The following FOXP1 variants were observed in gnomAD, a reference collection of about 807,000 sequenced individuals.
FOXP1 encodes the protein forkhead box protein P1.
FOXP1 carries 15 observed loss-of-function variants against 98.2 expected under a neutral mutation model. The observed-to-expected ratio is 0.15, with a 90% confidence interval of 0.10 to 0.24. The LOEUF is 0.24. Among genes scored for constraint, FOXP1 ranks in the 10% least tolerant of loss-of-function variants. The pLI, the probability that FOXP1 is intolerant of heterozygous loss-of-function variation, is 1.00. For missense variants in FOXP1, 633 were observed against 848.5 expected (o/e 0.75, Z 3.15); for synonymous variants, 371 against 314.5 (o/e 1.18, Z -1.90).
intron 3 of FOXP1, among the ~76,000 whole-genome samples, chr3:71,469,568 T>C (rs543899339): frequency 1.8e-4 from 27 of 152,148 alleles, no homozygotes; most frequent in Non-Finnish European, 3.2e-4. Context: ...ATGAAGAAAA[T>C]AACATCTACT....
intron 7 of FOXP1, among the ~76,000 whole-genome samples, chr3:71,106,489 C>A (rs370250136): frequency 6.6e-6 from 1 of 152,076 alleles, no homozygotes; most frequent in African/African-American, 2.4e-5. Context: ...GTGCGTGCCA[C>A]CACGCCCAGC....
intron 3 of FOXP1, among the ~76,000 whole-genome samples, chr3:71,454,794 T>TA (rs552352991): frequency 3.9e-3 from 362 of 91,828 alleles, no homozygotes; most frequent in Middle Eastern, 0.011. Context: ...TTGTTTTCTT[T>TA]AAAAAAAAAA....
intron 3 of FOXP1, among the ~76,000 whole-genome samples, chr3:71,487,077 T>C (rs1217224063): frequency 1.3e-5 from 2 of 152,108 alleles, no homozygotes; most frequent in African/African-American, 2.4e-5. Context: ...ACTTCCTTGC[T>C]ATGTTAGAGC....
intron 2 of FOXP1, among the ~76,000 whole-genome samples, chr3:71,556,378 C>T (rs1330967674): frequency 2.0e-5 from 3 of 151,990 alleles, no homozygotes; most frequent in African/African-American, 4.8e-5. Flanking sequence ...GAGATCGAGA[C>T]CATCCTGGCT....
rs1234754456 is a variant in FOXP1 at position 70,979,144 on chromosome 3, T to G, written c.1147-1115A>C. Among the ~76,000 whole-genome samples the G allele has an allele frequency of 2.0e-5, 3 of 150,828 alleles. No individual in the cohort carries two copies. In the East Asian group the frequency reaches 5.9e-4, roughly 29 times the overall value. ...CACACACACACAAATTAGCCATGTG[T>G]GGTGGCACATGCCTGTAGTCCCAGC... On this transcript the variant is annotated intron_variant, in intron 14 of 20. Transcript: ENST00000649528.
chr3:71,411,689 A>G (rs951544800), intron 3 of FOXP1, among the ~76,000 whole-genome samples: 14 of 152,186 alleles, frequency 9.2e-5, no homozygotes, highest in African/African-American at 2.7e-4. Context: ...CCTCTCGTAG[A>G]AAAGGACCCA....
intron 3 of FOXP1, among the ~76,000 whole-genome samples, chr3:71,365,820 T>C (rs149468806): frequency 1.5e-3 from 229 of 152,224 alleles, no homozygotes; most frequent in African/African-American, 5.3e-3. Context: ...CCATCTCTAC[T>C]AAAAATACAA....
In FOXP1 at chr3:70,958,503, A is replaced by G. The variant is rs2032399054; in HGVS notation, c.*744T>C. 5.3e-6 allele frequency: 2 copies of G among 379,860 alleles called. No individual in the cohort carries two copies. The highest frequency in any genetic ancestry group is 1.0e-5 in the Non-Finnish European group (2 of 197,548). The allele number at this position is 379,860 out of a possible 1,614,324, so 23.5% of individuals were successfully genotyped here. ...GACAGAAAGCTACAAACGAGAAATG[A>G]CATTCAGCTTTGTATAATAAAAACA... is the stretch of plus-strand genomic sequence containing the variant. On this transcript the variant is annotated 3_prime_UTR_variant, in exon 21 of 21. Coordinates refer to ENST00000649528, the MANE Select transcript of FOXP1 (RefSeq NM_001349338.3).
At chr3:71,540,951 G>C (rs1425569560) in intron 2 of FOXP1, among the ~76,000 whole-genome samples, 2 of 152,164 alleles carry the variant, frequency 1.3e-5, no homozygotes, top group East Asian at 1.9e-4. Flanking sequence ...TAACAAAAAG[G>C]TTACAAATAT....
intron 7 of FOXP1, among the ~76,000 whole-genome samples, chr3:71,065,206 G>A (rs1455626566): frequency 6.6e-6 from 1 of 151,864 alleles, no homozygotes; most frequent in African/African-American, 2.4e-5. Flanking sequence ...TCCGGCTGAC[G>A]TCTGGGTCGG....
At chr3:71,441,574 C>T (rs912659036) in intron 3 of FOXP1, among the ~76,000 whole-genome samples, 2 of 152,234 alleles carry the variant, frequency 1.3e-5, no homozygotes, top group African/African-American at 2.4e-5. Context: ...ACGATGCCCC[C>T]GGCGTCACTA....
intron 6 of FOXP1, among the ~76,000 whole-genome samples, chr3:71,166,070 C>A (rs1186023433): frequency 1.3e-5 from 2 of 152,216 alleles, no homozygotes; most frequent in Non-Finnish European, 2.9e-5. Flanking sequence ...CCAATAATAT[C>A]TTGGGAAGTA....
At chr3:71,481,148 G>A (rs1427953212) in intron 3 of FOXP1, among the ~76,000 whole-genome samples, 2 of 152,116 alleles carry the variant, frequency 1.3e-5, no homozygotes, top group African/African-American at 4.8e-5. Flanking sequence ...ATTTTGCTTA[G>A]GACAAACTTT....
At chr3:71,403,352 T>C (rs2082073268) in intron 3 of FOXP1, among the ~76,000 whole-genome samples, 1 of 152,206 alleles carries the variant, frequency 6.6e-6, no homozygotes, top group East Asian at 1.9e-4. Flanking sequence ...CAAAAAATGA[T>C]GTGGCTCATC....
chr3:71,349,077 T>A (rs941521701), intron 4 of FOXP1, among the ~76,000 whole-genome samples: 1 of 152,210 alleles, frequency 6.6e-6, no homozygotes, highest in Admixed American at 6.5e-5. Flanking sequence ...GTGGTCAGAA[T>A]TGGAATATAA....
At chr3:71,127,384 A>C (rs2059284540) in intron 6 of FOXP1, among the ~76,000 whole-genome samples, 1 of 152,238 alleles carries the variant, frequency 6.6e-6, no homozygotes, top group Admixed American at 6.5e-5. Flanking sequence ...TAAATTGCCA[A>C]CATCATATTG....
chr3:71,063,810 G>A, intron 7 of FOXP1, among the ~76,000 whole-genome samples: 1 of 152,148 alleles, frequency 6.6e-6, no homozygotes, highest in East Asian at 1.9e-4. Context: ...AAAATTACTA[G>A]ATATTTTACT....
At position 71,574,323 on chromosome 3, in the gene FOXP1, G is replaced by A. The variant is rs151019938; in HGVS notation, c.-298+7226C>T. ...GGGCATTATGGACACATTATTACCG[G>A]GTAACTTCAAAAGCCACATTATTAA... is the stretch of plus-strand genomic sequence containing the variant. On this transcript the variant is annotated intron_variant, in intron 2 of 20. Transcript: ENST00000649528. The A allele has an allele frequency of 3.5e-3, 536 of 151,966 alleles. 3 individuals are homozygous for A. The highest frequency in any genetic ancestry group is 0.012 in the African/African-American group (491 of 41,402). 9.4% of individuals were successfully genotyped at this position (151,966 alleles called of 1,614,324 possible).
At chr3:71,126,855 G>GAAAAA (rs757099344) in intron 6 of FOXP1, among the ~76,000 whole-genome samples, 2 of 103,816 alleles carry the variant, frequency 1.9e-5, no homozygotes, top group East Asian at 2.2e-4. Context: ...AAACCAAAAA[G>GAAAAA]AAAAAAAAAA....
Sources: allele counts gnomAD v4.1 joint callset (sites outside exome capture counted in the v4.1 genomes callset), GRCh38; gene constraint gnomAD v4.1.1; transcripts MANE v1.5; gene names NCBI Gene and HGNC (gene_info 2026-07-23, HGNC 2026-07-21).